The following CEP350 variants were observed in gnomAD, a reference collection of about 807,000 sequenced individuals.
The protein encoded by CEP350 is centrosome-associated protein 350.
In CEP350, 126 loss-of-function variants were observed where a neutral mutation model predicts 331.8. That is an observed-to-expected ratio of 0.38 (90% CI 0.33 to 0.44). The LOEUF (loss-of-function observed/expected upper bound fraction) is 0.44. Ranked by LOEUF, CEP350 falls within the 20% of genes least tolerant of loss-of-function variation. CEP350 has a pLI of 1.00. For synonymous variants in CEP350, 1,200 were observed against 1,259.5 expected, an observed-to-expected ratio of 0.95 and a Z score of 1.00; for missense variants, 3,406 against 3,634.6, an observed-to-expected ratio of 0.94 and a Z score of 1.62.
intron 2 of CEP350, 87 bp downstream of exon 2, chr1:179,986,341 T>TA: frequency 1.3e-6 from 1 of 785,526 alleles, no homozygotes; most frequent in South Asian, 1.9e-5. Context: ...AAATTATACC[T>TA]ATGCTTTGAT....
chr1:180,087,329 C>T (rs548879628), intron 31 of CEP350: 65 of 257,954 alleles, frequency 2.5e-4, no homozygotes, highest in African/African-American at 1.1e-3. Context: ...TCTGTAGATT[C>T]GCAATGTCAT....
chr1:180,069,497 G>C (rs952889506), intron 27 of CEP350, among the ~76,000 whole-genome samples: 12 of 152,096 alleles, frequency 7.9e-5, no homozygotes, highest in African/African-American at 2.9e-4. Flanking sequence ...AAATTTCTTA[G>C]ACAACATTCT....
At chr1:180,006,655 C>A (rs189946048) in intron 8 of CEP350, 88 bp downstream of exon 8, 2 of 722,298 alleles carry the variant, frequency 2.8e-6, no homozygotes, top group African/African-American at 3.6e-5. Flanking sequence ...ATGTGCAGAA[C>A]GTGCAGGTTT....
Position 180,093,705 on chromosome 1 carries a change from C to T in CEP350, c.7600C>T (p.Pro2534Ser), listed in dbSNP as rs1660321526. Residue 2534 changes from proline to serine, a missense_variant, in exon 34 of 38, where the codon CCT becomes TCT. By Grantham distance (74) the Pro-to-Ser change is moderately conservative. Transcript: ENST00000367607. ...TTGGGCCGGAGTGGAGTTAGATAAA[C>T]CTGAAGGAAATAACAATGGAACATA... ...GFWAGVELDKPEGNNNGTYDG... is the reference protein window; with the variant it reads ...GFWAGVELDKSEGNNNGTYDG... 2 of 1,613,778 alleles carry T rather than the reference C, an allele frequency of 1.2e-6. No individual in the cohort carries two copies. The highest frequency in any genetic ancestry group is 1.3e-5 in the African/African-American group (1 of 74,974).
At chr1:180,057,498 A>G (rs965181823) in intron 25 of CEP350, among the ~76,000 whole-genome samples, 3 of 148,136 alleles carry the variant, frequency 2.0e-5, no homozygotes, top group African/African-American at 7.5e-5. Context: ...TGCCTCTATT[A>G]TTACTATTGT....
chr1:180,020,752 T>C lies in CEP350; in HGVS notation c.2978T>C (p.Leu993Pro), dbSNP rs2148834013. Residue 993 changes from leucine (L) to proline (P), a missense_variant, in exon 12 of 38, where the codon CTC (leucine) becomes CCC (proline). Leu to Pro is a moderately conservative substitution (Grantham distance 98). Transcript: ENST00000367607. ...SEGPLLSEGS[L>P]SEEEGDQDGQ... The stretch of plus-strand genomic sequence containing the variant: ...GGGCCTCTTCTTAGTGAGGGGAGTC[T>C]CTCTGAAGAAGAGGGAGACCAGGAT... The C allele has an allele frequency of 6.2e-7, 1 of 1,614,028 alleles. No homozygotes were observed. Among genetic ancestry groups the C allele is most frequent in the East Asian group, 2.2e-5 (1 of 44,886 alleles).
At position 180,112,382 on chromosome 1, in the gene CEP350, A is replaced by G. The variant is rs1012090844; in HGVS notation, c.*1221A>G. The G allele has an allele frequency of 1.3e-5, 2 of 152,622 alleles. No individual in the cohort carries two copies. Among genetic ancestry groups the G allele is most frequent in the African/African-American group, 4.8e-5 (2 of 41,456 alleles). The allele number at this position is 152,622 out of a possible 1,614,324, so 9.5% of individuals were successfully genotyped here. ...TTTCCAGATCACCTGCAATAGCAGC[A>G]GTGGGATAAAATGATTTAAAAACAC... On this transcript the variant is annotated 3_prime_UTR_variant, in exon 38 of 38. Coordinates refer to ENST00000367607, the MANE Select transcript of CEP350 (RefSeq NM_014810.5).
At chr1:180,096,333 T>C in intron 36 of CEP350, 149 bp downstream of exon 36, 1 of 835,396 alleles carries the variant, frequency 1.2e-6, no homozygotes, top group Non-Finnish European at 1.7e-6. Flanking sequence ...TAAAGATTTG[T>C]TGACTTACTG....
chr1:180,097,334 G>GAAA (rs1366502305), intron 36 of CEP350, among the ~76,000 whole-genome samples: 1 of 152,114 alleles, frequency 6.6e-6, no homozygotes, highest in East Asian at 1.9e-4. Flanking sequence ...ATTTTTTACA[G>GAAA]AAAAAATTGG....
intron 5 of CEP350, among the ~76,000 whole-genome samples, chr1:179,995,746 C>T (rs1359079707): frequency 6.6e-6 from 1 of 152,146 alleles, no homozygotes; most frequent in Non-Finnish European, 1.5e-5. Flanking sequence ...CTTTGCCCAG[C>T]CTTCTGTGCT....
At chr1:179,961,209 G>A (rs1300028169) in intron 1 of CEP350, among the ~76,000 whole-genome samples, 1 of 152,166 alleles carries the variant, frequency 6.6e-6, no homozygotes, top group African/African-American at 2.4e-5. Flanking sequence ...ACTTTGGAAG[G>A]CCGAGGTAGG....
At chr1:180,023,377 GTATTGGGAAAT>G (rs2148846050) in intron 13 of CEP350, among the ~76,000 whole-genome samples, 1 of 152,252 alleles carries the variant, frequency 6.6e-6, no homozygotes, top group African/African-American at 2.4e-5. Flanking sequence ...CAGTATTGGA[GTATTGGGAAAT>G]TATTCCATGC....
At position 180,093,527 on chromosome 1, in the gene CEP350, G is replaced by A; in HGVS notation, c.7422G>A (p.Glu2474=). 1 of 1,613,406 alleles carries A rather than the reference G, an allele frequency of 6.2e-7. No individual in the cohort carries two copies. The highest frequency in any genetic ancestry group is 2.2e-5 in the East Asian group (1 of 44,880). The change falls in exon 34 of 38, where the codon GAG becomes GAA. Residue 2474 remains glutamate (E), a synonymous_variant. Transcript: ENST00000367607. The part of the protein sequence containing the change: ...LMKSKERSDV[E]HEQQVTESPS... ...AAAGTAAGGAGCGCAGTGATGTGGA[G>A]CATGAACAGCAAGTTACTGAATCCC...
At chr1:180,028,831 G>C (rs1655837492) in intron 14 of CEP350, among the ~76,000 whole-genome samples, 1 of 151,972 alleles carries the variant, frequency 6.6e-6, no homozygotes, top group African/African-American at 2.4e-5. Flanking sequence ...ATGATTTATT[G>C]AGTATATGTG....
chr1:180,041,485 A>T (rs1226650686), intron 18 of CEP350, among the ~76,000 whole-genome samples, 177 bp from the exon 19 acceptor site: 2 of 152,230 alleles, frequency 1.3e-5, no homozygotes, highest in Non-Finnish European at 2.9e-5. Flanking sequence ...GTATTTATTT[A>T]TCCACAGATA....
Position 180,014,504 on chromosome 1 carries a change from A to G in CEP350, c.2051A>G (p.Gln684Arg), listed in dbSNP as rs771251094. 3 of 1,594,320 alleles carry G rather than the reference A, an allele frequency of 1.9e-6. No individual in the cohort carries two copies. The highest frequency in any genetic ancestry group is 1.8e-5 in the Admixed American group (1 of 55,600). Residue 684 changes from glutamine to arginine, a missense_variant and splice_region_variant, in exon 10 of 38, where the codon CAG becomes CGG. Gln to Arg is a conservative substitution (Grantham distance 43). Transcript: ENST00000367607. ...PSHQHVTQETQAKPGYQPSGE... is the reference protein window; with the variant it reads ...PSHQHVTQETRAKPGYQPSGE... ...CATCAACATGTTACGCAGGAAACAC[A>G]GGTAATAGTAGTGACATATACAAAG...
At chr1:180,066,661 G>A (rs1658565293) in intron 27 of CEP350, among the ~76,000 whole-genome samples, 2 of 152,126 alleles carry the variant, frequency 1.3e-5, no homozygotes, top group Admixed American at 1.3e-4. Flanking sequence ...ACCAAATATT[G>A]ACAAATATAT....
chr1:180,062,311 G>C lies in CEP350; in HGVS notation c.5354G>C (p.Arg1785Pro). Reference protein sequence around the residue: ...LKQQEEIEKIRQTTIKLQEKL... With the variant: ...LKQQEEIEKIPQTTIKLQEKL... ...CAGCAGGAGGAGATAGAAAAGATCC[G>C]ACAGACCACCATAAAACTACAGGAG... The change falls in exon 26 of 38, where the codon CGA becomes CCA. Residue 1785 changes from arginine to proline, a missense_variant. This residue lies in a region of CEP350 where 1,415 missense variants were observed against 1,512.3 expected (regional missense o/e 0.94). Coordinates refer to ENST00000367607, the MANE Select transcript of CEP350 (RefSeq NM_014810.5). 6.2e-7 allele frequency: 1 copy of C among 1,610,696 alleles called. No homozygotes were observed. The highest frequency in any genetic ancestry group is 8.5e-7 in the Non-Finnish European group (1 of 1,178,258).
rs769187743 is a variant in CEP350 at position 180,053,738 on chromosome 1, C to T, written c.4990-12C>T. ...AGATGATGATAAACAAGAAAGAAAC[C>T]ATCTACTTTAGGAACTGAACATGCC... On this transcript the variant is annotated splice_polypyrimidine_tract_variant and intron_variant, in intron 23 of 37. Transcript: ENST00000367607. 6.7e-7 allele frequency: 1 copy of T among 1,484,188 alleles called. No individual in the cohort carries two copies. The highest frequency in any genetic ancestry group is 1.4e-5 in the South Asian group (1 of 71,210). 91.9% of individuals were successfully genotyped at this position (1,484,188 alleles called of 1,614,324 possible). A position where few individuals can be genotyped will look rare whatever the true frequency, so the allele number is the denominator to read the frequency against.
Sources: gnomAD v4.1 joint callset for allele counts (sites outside exome capture counted in the v4.1 genomes callset) on GRCh38, gnomAD v4.1.1 for gene constraint, gnomAD v4.1.1 regional missense constraint, MANE v1.5 for transcripts, NCBI Gene and HGNC (gene_info 2026-07-23, HGNC 2026-07-21) for gene names.